Variants in SPON1 observed in about 807,000 individuals in gnomAD.
The protein encoded by SPON1 is spondin-1.
Under a neutral mutation model 111.7 loss-of-function variants are expected in SPON1, and 52 were observed. That is an observed-to-expected ratio of 0.47 (90% confidence interval 0.37 to 0.59). The LOEUF (loss-of-function observed/expected upper bound fraction) is 0.59. Ranked by LOEUF, SPON1 falls within the 20% of genes least tolerant of loss-of-function variation. The probability of loss-of-function intolerance (pLI) is 0.00; values close to 1 mark genes in which losing one functional copy is unlikely to be tolerated. For synonymous variants in SPON1, 410 were observed against 395.8 expected (o/e 1.04, Z -0.43); for missense variants, 957 against 1,068.5 (o/e 0.90, Z 1.46).
At chr11:14,067,512 G>C (rs1848842052) in intron 3 of SPON1, among the ~76,000 whole-genome samples, 1 of 152,186 alleles carries the variant, frequency 6.6e-6, no homozygotes, top group South Asian at 2.1e-4. Context: ...GTAGCAAAAT[G>C]GCTTGCCTTG....
At chr11:14,057,835 A>AAAAC (rs1848757028) in intron 3 of SPON1, among the ~76,000 whole-genome samples, 2 of 149,284 alleles carry the variant, frequency 1.3e-5, no homozygotes, top group Non-Finnish European at 3.0e-5. Context: ...TCTCTACAAA[A>AAAAC]AAAAAAAACA....
At chr11:14,201,107 AG>A (rs1338188038) in intron 6 of SPON1, among the ~76,000 whole-genome samples, 2 of 151,998 alleles carry the variant, frequency 1.3e-5, no homozygotes, top group Non-Finnish European at 2.9e-5. Context: ...TTGGGAGGCC[AG>A]GGCGGGTAGA....
intron 6 of SPON1, among the ~76,000 whole-genome samples, chr11:14,217,151 G>A (rs1554937214): frequency 6.6e-6 from 1 of 152,166 alleles, no homozygotes; most frequent in African/African-American, 2.4e-5. Context: ...CTCCAAAGCA[G>A]ATCAGATGGT....
At chr11:14,054,150 T>C (rs953668251) in intron 3 of SPON1, among the ~76,000 whole-genome samples, 1 of 152,254 alleles carries the variant, frequency 6.6e-6, no homozygotes. Flanking sequence ...TGATTTCAGC[T>C]ACATTTTTCC....
chr11:14,180,561 A>G (rs1376095400), intron 6 of SPON1, among the ~76,000 whole-genome samples: 2 of 152,176 alleles, frequency 1.3e-5, no homozygotes, highest in African/African-American at 4.8e-5. Flanking sequence ...CTGAGAGTCT[A>G]ACGTAGAAGC....
chr11:14,138,561 G>A (rs1554928420), intron 6 of SPON1, among the ~76,000 whole-genome samples: 3 of 152,094 alleles, frequency 2.0e-5, no homozygotes, highest in Non-Finnish European at 4.4e-5. Flanking sequence ...GACACCTGGG[G>A]ACTGGGAATT....
chr11:14,265,258 A>G (rs545129208), intron 15 of SPON1, among the ~76,000 whole-genome samples: 2 of 152,312 alleles, frequency 1.3e-5, no homozygotes, highest in Admixed American at 1.3e-4. Context: ...CCCATTGGCC[A>G]TGGCAAATCA....
Position 14,256,139 on chromosome 11 carries a change from C to G in SPON1, c.1233+352C>G, listed in dbSNP as rs1214811963. On this transcript the variant is annotated intron_variant, in intron 9 of 15. Transcript: ENST00000576479. ...GCAGGGACCTGTAATTCCAGCTACT[C>G]GGGAGGCTAAGGCAGGAGAATTGCT... Among the ~76,000 whole-genome samples the G allele has an allele frequency of 2.0e-5, 3 of 152,116 alleles. No homozygotes were observed. The South Asian group carries it at 6.2e-4, about 32-fold the overall frequency.
intron 6 of SPON1, among the ~76,000 whole-genome samples, chr11:14,146,336 G>T (rs180877443): frequency 5.3e-5 from 8 of 152,090 alleles, no homozygotes; most frequent in Admixed American, 1.3e-4. Context: ...TTTTAGTAGA[G>T]ACGGGGTTTC....
chr11:14,134,917 G>A (rs1413918822), intron 5 of SPON1: 2 of 152,312 alleles, frequency 1.3e-5, no homozygotes, highest in Admixed American at 1.3e-4. Flanking sequence ...TTGACAGTTT[G>A]TGACACAGCA....
chr11:14,163,413 T>TC (rs1847990473), intron 6 of SPON1, among the ~76,000 whole-genome samples: 1 of 152,126 alleles, frequency 6.6e-6, no homozygotes, highest in South Asian at 2.1e-4. Context: ...GGTGGTGGGC[T>TC]CCCGCCTGTC....
intron 1 of SPON1, among the ~76,000 whole-genome samples, chr11:13,977,698 C>A (rs1848113154): frequency 7.2e-6 from 1 of 138,828 alleles, no homozygotes; most frequent in South Asian, 2.3e-4. Context: ...ATTTATATAT[C>A]TTCTCCTTTA....
intron 5 of SPON1, among the ~76,000 whole-genome samples, chr11:14,119,847 A>G (rs535935427): frequency 1.9e-4 from 29 of 152,310 alleles, no homozygotes; most frequent in African/African-American, 6.7e-4. Flanking sequence ...ACCAAATTCT[A>G]GAGCTGTACT....
chr11:14,265,246 G>A (rs1849251057), intron 15 of SPON1, among the ~76,000 whole-genome samples: 1 of 152,170 alleles, frequency 6.6e-6, no homozygotes, highest in Non-Finnish European at 1.5e-5. Flanking sequence ...TTTTGCTCAT[G>A]TCCCATTGGC....
chr11:14,035,830 C>G (rs980409318), intron 2 of SPON1, among the ~76,000 whole-genome samples: 1 of 152,076 alleles, frequency 6.6e-6, no homozygotes, highest in Non-Finnish European at 1.5e-5. Flanking sequence ...GTTACCCAGG[C>G]TGATCTCGAA....
At chr11:14,196,794 A>C (rs1463423308) in intron 6 of SPON1, among the ~76,000 whole-genome samples, 1 of 152,224 alleles carries the variant, frequency 6.6e-6, no homozygotes, top group Non-Finnish European at 1.5e-5. Context: ...TCATGCCTGT[A>C]ATCCCAGCCC....
chr11:14,169,936 T>G (rs1554932263), intron 6 of SPON1, among the ~76,000 whole-genome samples: 1 of 152,220 alleles, frequency 6.6e-6, no homozygotes, highest in Non-Finnish European at 1.5e-5. Context: ...GTGTGATGCC[T>G]CCAGCTTTGT....
chr11:14,102,653 T>C (rs1328124164), intron 5 of SPON1, among the ~76,000 whole-genome samples: 4 of 152,208 alleles, frequency 2.6e-5, no homozygotes, highest in Non-Finnish European at 5.9e-5. Flanking sequence ...CAATCTGGAA[T>C]GGTTCTTAGT....
chr11:14,023,886 C>G (rs1261575960), intron 2 of SPON1, among the ~76,000 whole-genome samples: 1 of 152,016 alleles, frequency 6.6e-6, no homozygotes, highest in Non-Finnish European at 1.5e-5. Context: ...CCTGTAATCC[C>G]AGCTACTTGG....
Sources: allele counts gnomAD v4.1 joint callset (sites outside exome capture counted in the v4.1 genomes callset), GRCh38; gene constraint gnomAD v4.1.1; transcripts MANE v1.5; gene names NCBI Gene and HGNC (gene_info 2026-07-23, HGNC 2026-07-21).